Variants in CHD9 observed in about 807,000 individuals in gnomAD.
CHD9 encodes ATP-dependent chromatin remodeler CHD9.
CHD9 carries 77 observed loss-of-function variants against 316.1 expected under a neutral mutation model. That is an observed-to-expected ratio of 0.24 (90% CI 0.20 to 0.29). The LOEUF is 0.29. CHD9 is among the 10% of genes least tolerant of loss of function. CHD9 has a pLI of 1.00. For missense variants in CHD9, 2,763 were observed against 3,438.1 expected, an observed-to-expected ratio of 0.80 and a Z score of 4.91; for synonymous variants, 1,129 against 1,158.3, an observed-to-expected ratio of 0.97 and a Z score of 0.51.
chr16:53,227,094 G>T, intron 5 of CHD9: 1 of 235,744 alleles, frequency 4.2e-6, no homozygotes. Flanking sequence ...TTCCTAATCT[G>T]TAAAATGGAA....
chr16:53,089,493 C>T (rs935701569), intron 1 of CHD9, among the ~76,000 whole-genome samples: 2 of 152,114 alleles, frequency 1.3e-5, no homozygotes, highest in African/African-American at 4.8e-5. Flanking sequence ...CATAACAGTC[C>T]TATGAGACAA....
rs1292066686 is a variant in CHD9, at chr16:53,231,433, A to C, written c.2301A>C (p.Pro767=). Residue 767 remains proline (P), a synonymous_variant, in exon 9 of 39, where the codon CCA becomes CCC. Transcript: ENST00000447540. Reference sequence around the variant, plus strand: ...TTTAATTTTAGATGGAAGAAGAACCATTTAACCCAGACTACGTTGAAGTAG... The same window carrying C: ...TTTAATTTTAGATGGAAGAAGAACCCTTTAACCCAGACTACGTTGAAGTAG... ...AHFFADMEEE[P]FNPDYVEVDR... is the part of the protein sequence containing the mutation. The C allele has an allele frequency of 6.3e-7, 1 of 1,591,840 alleles. No homozygotes were observed. The highest frequency in any genetic ancestry group is 2.2e-5 in the East Asian group (1 of 44,618).
chr16:53,081,783 G>T (rs2035039016), intron 1 of CHD9, among the ~76,000 whole-genome samples: 1 of 151,862 alleles, frequency 6.6e-6, no homozygotes, highest in Non-Finnish European at 1.5e-5. Context: ...TTGTAGAGAT[G>T]GTGTTTCACT....
At chr16:53,187,446 C>G (rs2044119613) in intron 2 of CHD9, among the ~76,000 whole-genome samples, 1 of 152,090 alleles carries the variant, frequency 6.6e-6, no homozygotes, top group African/African-American at 2.4e-5. Flanking sequence ...TTCAAAGTTA[C>G]CGTGAGCTAT....
At chr16:53,139,044 T>C (rs1004742600) in intron 1 of CHD9, among the ~76,000 whole-genome samples, 1 of 152,096 alleles carries the variant, frequency 6.6e-6, no homozygotes, top group Non-Finnish European at 1.5e-5. Context: ...GGAATTTTTT[T>C]TTTGAGGTAA....
At chr16:53,140,183 G>A (rs536691697) in intron 1 of CHD9, among the ~76,000 whole-genome samples, 1 of 151,332 alleles carries the variant, frequency 6.6e-6, no homozygotes, top group South Asian at 2.1e-4. Context: ...TAGGCCGGGA[G>A]TGGTGGCTTA....
At chr16:53,291,076 A>T (rs908254503) in intron 27 of CHD9, among the ~76,000 whole-genome samples, 1 of 152,210 alleles carries the variant, frequency 6.6e-6, no homozygotes, top group Admixed American at 6.5e-5. Flanking sequence ...AAGAAACATC[A>T]TGGTGAAATT....
At chr16:53,133,253 A>G (rs2039465028) in intron 1 of CHD9, among the ~76,000 whole-genome samples, 1 of 152,178 alleles carries the variant, frequency 6.6e-6, no homozygotes, top group African/African-American at 2.4e-5. Flanking sequence ...CCAGGAGATG[A>G]TATCCTAAAG....
chr16:53,155,103 A>C (rs2041415695), intron 1 of CHD9, among the ~76,000 whole-genome samples: 9 of 152,240 alleles, frequency 5.9e-5, no homozygotes, highest in Admixed American at 5.9e-4. Context: ...GAGAAGACAC[A>C]GACTTCCACT....
chr16:53,261,729 T>C (rs962293559), intron 19 of CHD9, among the ~76,000 whole-genome samples: 4 of 152,204 alleles, frequency 2.6e-5, no homozygotes, highest in African/African-American at 9.6e-5. Context: ...TCAACAGTTA[T>C]CAACTCATGC....
intron 19 of CHD9, among the ~76,000 whole-genome samples, chr16:53,256,331 G>A (rs992339978): frequency 5.3e-5 from 8 of 149,670 alleles, no homozygotes; most frequent in East Asian, 2.0e-4. Context: ...TCTGTTAGGC[G>A]ATAATATTTG....
chr16:53,138,791 G>A (rs892020582), intron 1 of CHD9, among the ~76,000 whole-genome samples: 3 of 152,204 alleles, frequency 2.0e-5, no homozygotes, highest in Admixed American at 1.3e-4. Flanking sequence ...AAACTACAGA[G>A]TACAAGAAGT....
intron 4 of CHD9, among the ~76,000 whole-genome samples, chr16:53,224,934 T>G (rs942154573): frequency 6.6e-6 from 1 of 152,190 alleles, no homozygotes; most frequent in East Asian, 1.9e-4. Context: ...ATTAGAATTT[T>G]TATATGTCAC....
rs77124760 is a variant in CHD9 at position 53,176,934 on chromosome 16, G to C, written c.1452+19393G>C. Among the ~76,000 whole-genome samples the C allele has an allele frequency of 2.0e-5, 3 of 152,114 alleles. No homozygotes were observed. In the East Asian group the frequency reaches 5.8e-4, roughly 29 times the overall value. ...TCACAACAATCCAATGATGTTAGTGGTGACATCTTTATTTATTTAATTTTA... is the reference window on the plus strand; with the variant it reads ...TCACAACAATCCAATGATGTTAGTGCTGACATCTTTATTTATTTAATTTTA... On this transcript the variant is annotated intron_variant, in intron 2 of 38. Coordinates refer to ENST00000447540, the MANE Select transcript of CHD9 (RefSeq NM_001308319.2).
At chr16:53,093,388 C>G (rs59171343) in intron 1 of CHD9, among the ~76,000 whole-genome samples, 5 of 152,188 alleles carry the variant, frequency 3.3e-5, no homozygotes, top group Non-Finnish European at 7.4e-5. Context: ...AAGCACTATG[C>G]GTGGCACATA....
intron 1 of CHD9, among the ~76,000 whole-genome samples, chr16:53,104,546 C>T (rs967883977): frequency 2.6e-5 from 4 of 152,286 alleles, no homozygotes; most frequent in South Asian, 4.1e-4. Context: ...TGCAGTGGCT[C>T]GTGCCTGTAA....
chr16:53,321,479 T>C (rs968035418), intron 37 of CHD9, 47 bp from the exon 38 acceptor site: 1 of 1,475,082 alleles, frequency 6.8e-7, no homozygotes, highest in Non-Finnish European at 9.1e-7. Flanking sequence ...AATCAAGAGT[T>C]TTCTATGTAA....
intron 1 of CHD9, among the ~76,000 whole-genome samples, chr16:53,137,692 A>T (rs1423998409): frequency 6.6e-6 from 1 of 152,214 alleles, no homozygotes; most frequent in Non-Finnish European, 1.5e-5. Flanking sequence ...TACAGTACAA[A>T]GGAATGTGAG....
intron 22 of CHD9, among the ~76,000 whole-genome samples, chr16:53,271,791 G>A (rs549647578): frequency 3.9e-4 from 59 of 152,136 alleles, no homozygotes; most frequent in Non-Finnish European, 5.6e-4. Context: ...AAAGTAAAAA[G>A]AAGATTGAAT....
Sources: gnomAD v4.1 joint callset for allele counts (sites outside exome capture counted in the v4.1 genomes callset) on GRCh38, gnomAD v4.1.1 for gene constraint, MANE v1.5 for transcripts, NCBI Gene and HGNC (gene_info 2026-07-23, HGNC 2026-07-21) for gene names.